Variants in NBEA observed in about 807,000 individuals in gnomAD.
NBEA encodes the protein lysosomal-trafficking regulator 2.
Under a neutral mutation model 343.4 loss-of-function variants are expected in NBEA, and 44 were observed. The ratio of observed to expected loss-of-function variants is 0.13; its 90% CI spans 0.10 to 0.16. The LOEUF is 0.16. Ranked by LOEUF, NBEA falls within the 10% of genes least tolerant of loss-of-function variation. NBEA has a pLI of 1.00. For synonymous variants in NBEA, 1,175 were observed against 1,238.7 expected (o/e 0.95, Z 1.08); for missense variants, 2,555 against 3,631.3 (o/e 0.70, Z 7.62).
chr13:35,444,765 G>C (rs1279425447), intron 39 of NBEA, among the ~76,000 whole-genome samples: 1 of 151,874 alleles, frequency 6.6e-6, no homozygotes, highest in Non-Finnish European at 1.5e-5. Flanking sequence ...AAATATCCAA[G>C]ATACTAAACA....
intron 38 of NBEA, among the ~76,000 whole-genome samples, chr13:35,402,406 A>T (rs944567289): frequency 2.6e-5 from 4 of 152,040 alleles, no homozygotes; most frequent in African/African-American, 9.7e-5. Context: ...ATAATGAAAG[A>T]TTGCCATATG....
chr13:35,651,735 A>G, intron 52 of NBEA, 70 bp from the exon 53 acceptor site: 1 of 881,010 alleles, frequency 1.1e-6, no homozygotes, highest in South Asian at 1.4e-5. Flanking sequence ...ATCATAAAAC[A>G]CTACCCATTA....
At chr13:35,333,145 C>T (rs1000931906) in intron 36 of NBEA, among the ~76,000 whole-genome samples, 20 of 151,574 alleles carry the variant, frequency 1.3e-4, no homozygotes, top group Non-Finnish European at 2.4e-4. Context: ...TATATGAGAC[C>T]GAAAGCCAAT....
intron 38 of NBEA, among the ~76,000 whole-genome samples, chr13:35,357,577 G>C (rs765513379): frequency 6.6e-6 from 1 of 152,082 alleles, no homozygotes; most frequent in Non-Finnish European, 1.5e-5. Context: ...GTGTTAGTTT[G>C]CTAAGGATAA....
At chr13:35,459,005 GCC>G (rs559844063) in intron 40 of NBEA, among the ~76,000 whole-genome samples, 2,146 of 100,380 alleles carry the variant, frequency 0.021, 134 homozygotes, top group African/African-American at 0.094. Flanking sequence ...CTTTACCACC[GCC>G]CCCCCCCCCC....
intron 1 of NBEA, among the ~76,000 whole-genome samples, chr13:35,023,617 T>A (rs1456577065): frequency 6.6e-6 from 1 of 150,770 alleles, no homozygotes; most frequent in Non-Finnish European, 1.5e-5. Flanking sequence ...GAGACAAAAG[T>A]ACGTACATCT....
intron 34 of NBEA, among the ~76,000 whole-genome samples, chr13:35,267,256 G>A (rs1045327479): frequency 6.6e-6 from 1 of 151,818 alleles, no homozygotes; most frequent in Admixed American, 6.6e-5. Flanking sequence ...CTATGAGGGT[G>A]AATGTAAAGT....
At chr13:35,280,587 G>A (rs1212083058) in intron 34 of NBEA, among the ~76,000 whole-genome samples, 2 of 151,914 alleles carry the variant, frequency 1.3e-5, no homozygotes, top group South Asian at 4.2e-4. Flanking sequence ...ATAATACTTG[G>A]TCTCATCATA....
intron 34 of NBEA, among the ~76,000 whole-genome samples, chr13:35,270,982 C>T (rs917538895): frequency 2.0e-5 from 3 of 152,180 alleles, no homozygotes; most frequent in South Asian, 2.1e-4. Flanking sequence ...CTGACAGCAC[C>T]GAAGAGAGCA....
rs200441802 is a variant in NBEA at position 35,208,745 on chromosome 13, T to A, written c.5412T>A (p.Ala1804=). 163 of 1,611,358 alleles carry A rather than the reference T, an allele frequency of 1.0e-4. No individual in the cohort carries two copies. The highest frequency in any genetic ancestry group is 2.7e-4 in the Admixed American group (16 of 59,820). Residue 1804 remains alanine (A), a synonymous_variant, in exon 32 of 59, where the codon GCT becomes GCA. Transcript: ENST00000379939. ...PVKKPPPGSL[A]VTTVGATTAG... ...AGAAACCACCTCCAGGTAGTTTAGC[T>A]GTAACCACTGTGGGAGCCACTACTG...
At chr13:35,350,698 A>C (rs945852439) in intron 37 of NBEA, among the ~76,000 whole-genome samples, 1 of 150,172 alleles carries the variant, frequency 6.7e-6, no homozygotes, top group African/African-American at 2.4e-5. Context: ...TGAAATGTTT[A>C]TATCTCTCCT....
At chr13:35,612,466 A>G (rs2082567017) in intron 48 of NBEA, among the ~76,000 whole-genome samples, 1 of 152,094 alleles carries the variant, frequency 6.6e-6, no homozygotes, top group South Asian at 2.1e-4. Flanking sequence ...GTGACTAATG[A>G]TATTGAGCAT....
intron 34 of NBEA, among the ~76,000 whole-genome samples, chr13:35,254,573 C>T (rs2032366143): frequency 1.3e-5 from 2 of 152,020 alleles, no homozygotes; most frequent in African/African-American, 4.8e-5. Flanking sequence ...CCTTCCACCT[C>T]AGCCTCCCAA....
chr13:35,567,456 A>G (rs1170268411), intron 45 of NBEA, among the ~76,000 whole-genome samples: 1 of 152,216 alleles, frequency 6.6e-6, no homozygotes, highest in Non-Finnish European at 1.5e-5. Flanking sequence ...TATATATGAG[A>G]GAGAAGATAT....
chr13:35,173,421 T>C (rs1279534697), intron 26 of NBEA, 43 bp from the exon 27 acceptor site: 24 of 1,483,606 alleles, frequency 1.6e-5, no homozygotes, highest in Non-Finnish European at 2.2e-5. Context: ...GATATCAAAG[T>C]CAACAATTTA....
chr13:35,263,614 A>G (rs1287575537), intron 34 of NBEA, among the ~76,000 whole-genome samples: 1 of 152,146 alleles, frequency 6.6e-6, no homozygotes, highest in Non-Finnish European at 1.5e-5. Context: ...AGAAATTGAA[A>G]ACAGGAGGAA....
chr13:35,451,155 A>T (rs563345873), intron 39 of NBEA, among the ~76,000 whole-genome samples: 32 of 151,996 alleles, frequency 2.1e-4, no homozygotes, highest in Admixed American at 1.9e-3. Context: ...AGGGAGTCTC[A>T]CTCTGTCGCC....
At chr13:35,398,988 A>T (rs2152905214) in intron 38 of NBEA, among the ~76,000 whole-genome samples, 1 of 152,150 alleles carries the variant, frequency 6.6e-6, no homozygotes, top group East Asian at 1.9e-4. Context: ...TTCATCAGTG[A>T]TCTTAGCTAG....
At chr13:35,501,723 T>C (rs569131643) in intron 41 of NBEA, among the ~76,000 whole-genome samples, 2 of 152,270 alleles carry the variant, frequency 1.3e-5, no homozygotes, top group South Asian at 2.1e-4. Flanking sequence ...AGTTAATATA[T>C]GGTAAATGTA....
Sources: gnomAD v4.1 joint callset for allele counts (sites outside exome capture counted in the v4.1 genomes callset) on GRCh38, gnomAD v4.1.1 for gene constraint, MANE v1.5 for transcripts, NCBI Gene and HGNC (gene_info 2026-07-23, HGNC 2026-07-21) for gene names.